PCDH9: variants seen among roughly 807,000 people sequenced by gnomAD.
PCDH9 encodes protocadherin 9.
A neutral mutation model predicts 70.6 loss-of-function variants in PCDH9; 24 were observed. That is an observed-to-expected ratio of 0.34 (90% confidence interval 0.25 to 0.48). The LOEUF is 0.48. Among genes scored for constraint, PCDH9 ranks in the 20% least tolerant of loss-of-function variants. The pLI, the probability that PCDH9 is intolerant of heterozygous loss-of-function variation, is 0.99. For missense variants in PCDH9, 1,281 were observed against 1,503.6 expected (o/e 0.85, Z 2.45); for synonymous variants, 562 against 558.5 (o/e 1.01, Z -0.09).
At position 67,031,803 on chromosome 13, in the gene PCDH9, A is replaced by G. The variant is rs190081092; in HGVS notation, c.3037-128198T>C. 3.5e-3 allele frequency among the ~76,000 whole-genome samples: 537 copies of G among 152,204 alleles called. 3 individuals are homozygous for G. Among genetic ancestry groups the G allele is most frequent in the African/African-American group, 0.012 (514 of 41,540 alleles). On this transcript the variant is annotated intron_variant, in intron 2 of 4. Coordinates refer to ENST00000377865, the MANE Select transcript of PCDH9 (RefSeq NM_203487.3). ...ACATTTGCCTTTCTAGCACACTTTT[A>G]TTGGAGCATTAGAAATGTTTATATT...
intron 4 of PCDH9, among the ~76,000 whole-genome samples, chr13:66,414,444 C>A (rs1252820126): frequency 6.6e-6 from 1 of 152,168 alleles, no homozygotes; most frequent in African/African-American, 2.4e-5. Context: ...AAAGAGTATG[C>A]TCTGCAACTG....
intron 2 of PCDH9, among the ~76,000 whole-genome samples, chr13:67,041,821 ACT>A (rs1258535960): frequency 4.9e-5 from 5 of 101,812 alleles, no homozygotes; most frequent in African/African-American, 1.5e-4. Flanking sequence ...ACAGAGTGAG[ACT>A]CTGTCTCAAA....
At chr13:67,137,912 T>A (rs2087274757) in intron 2 of PCDH9, among the ~76,000 whole-genome samples, 2 of 152,108 alleles carry the variant, frequency 1.3e-5, no homozygotes, top group South Asian at 2.1e-4. Context: ...ATGTAAAAAA[T>A]TTCTAAAAAT....
chr13:66,747,587 T>G (rs2139217995), intron 3 of PCDH9, among the ~76,000 whole-genome samples: 1 of 152,248 alleles, frequency 6.6e-6, no homozygotes, highest in African/African-American at 2.4e-5. Context: ...AATATACTTA[T>G]TAGGTGGTGC....
At chr13:66,405,711 A>G (rs1246680311) in intron 4 of PCDH9, among the ~76,000 whole-genome samples, 1 of 152,166 alleles carries the variant, frequency 6.6e-6, no homozygotes, top group African/African-American at 2.4e-5. Context: ...GTCCATATAT[A>G]GGAGGACAGA....
At chr13:66,695,684 G>T (rs1012200821) in intron 3 of PCDH9, among the ~76,000 whole-genome samples, 9 of 151,984 alleles carry the variant, frequency 5.9e-5, no homozygotes, top group Admixed American at 5.2e-4. Context: ...AAAAACTCAG[G>T]TCCTTATTTT....
intron 4 of PCDH9, among the ~76,000 whole-genome samples, chr13:66,572,899 A>G (rs1393583295): frequency 1.3e-5 from 2 of 151,984 alleles, no homozygotes; most frequent in African/African-American, 4.8e-5. Flanking sequence ...AGTTGGGACC[A>G]CAGACATGTG....
intron 4 of PCDH9, among the ~76,000 whole-genome samples, chr13:66,310,416 CA>C (rs1367180721): frequency 6.6e-6 from 1 of 151,996 alleles, no homozygotes; most frequent in Non-Finnish European, 1.5e-5. Context: ...AATGGAACTC[CA>C]ACTATACTTA....
chr13:67,074,130 C>T (rs1293419025), intron 2 of PCDH9, among the ~76,000 whole-genome samples: 1 of 151,960 alleles, frequency 6.6e-6, no homozygotes, highest in African/African-American at 2.4e-5. Flanking sequence ...ATCTGTCTAT[C>T]TATCTATCTT....
chr13:67,010,012 T>G (rs766624733), intron 2 of PCDH9, among the ~76,000 whole-genome samples: 1 of 152,026 alleles, frequency 6.6e-6, no homozygotes, highest in Non-Finnish European at 1.5e-5. Flanking sequence ...ACATATCTGC[T>G]AATTAACTGA....
At chr13:66,342,027 G>C (rs1273529385) in intron 4 of PCDH9, among the ~76,000 whole-genome samples, 1 of 152,086 alleles carries the variant, frequency 6.6e-6, no homozygotes, top group Non-Finnish European at 1.5e-5. Context: ...GGCTGGGTGG[G>C]GACTGAGCAT....
At chr13:66,363,592 T>A (rs576909114) in intron 4 of PCDH9, among the ~76,000 whole-genome samples, 14 of 152,288 alleles carry the variant, frequency 9.2e-5, no homozygotes, top group African/African-American at 3.4e-4. Flanking sequence ...CTATTACAAG[T>A]CCATCATTTT....
At chr13:67,175,424 C>G (rs2138461208) in intron 2 of PCDH9, among the ~76,000 whole-genome samples, 1 of 152,272 alleles carries the variant, frequency 6.6e-6, no homozygotes, top group South Asian at 2.1e-4. Context: ...TAACTACCTA[C>G]AGAAACACTA....
chr13:66,534,729 T>TAAGA (rs1473233927), intron 4 of PCDH9, among the ~76,000 whole-genome samples: 1 of 152,138 alleles, frequency 6.6e-6, no homozygotes, highest in African/African-American at 2.4e-5. Context: ...CACATTCTTA[T>TAAGA]AAGAACTATG....
intron 4 of PCDH9, among the ~76,000 whole-genome samples, chr13:66,389,353 G>C (rs1042769618): frequency 6.6e-6 from 1 of 152,070 alleles, no homozygotes; most frequent in Non-Finnish European, 1.5e-5. Context: ...GCTGCAGATG[G>C]GAACTGGTTC....
chr13:66,304,329 C>T lies in PCDH9; in HGVS notation c.*326G>A. On this transcript the variant is annotated 3_prime_UTR_variant, in exon 5 of 5. Transcript: ENST00000377865. The stretch of plus-strand genomic sequence containing the variant: ...GATATGTTTTTCAGTCACTCTAATC[C>T]ATGAAACTTTCTTACTTTCCAAATG... 5.8e-6 allele frequency: 1 copy of T among 171,910 alleles called. No homozygotes were observed. The highest frequency in any genetic ancestry group is 1.2e-5 in the Non-Finnish European group (1 of 83,026). The allele number at this position is 171,910 out of a possible 1,614,324, so 10.6% of individuals were successfully genotyped here.
intron 4 of PCDH9, among the ~76,000 whole-genome samples, chr13:66,409,238 T>C (rs1206876230): frequency 6.6e-6 from 1 of 152,208 alleles, no homozygotes; most frequent in Non-Finnish European, 1.5e-5. Flanking sequence ...TTAAAATTTA[T>C]GTCAATAGAA....
chr13:66,675,480 T>C (rs1042507447), intron 3 of PCDH9, among the ~76,000 whole-genome samples: 6 of 152,164 alleles, frequency 3.9e-5, no homozygotes, highest in South Asian at 2.1e-4. Context: ...GACGCTGCTA[T>C]GTCTCCTGCA....
chr13:67,010,807 A>C (rs1443919866), intron 2 of PCDH9, among the ~76,000 whole-genome samples: 2 of 152,018 alleles, frequency 1.3e-5, no homozygotes, highest in African/African-American at 4.8e-5. Context: ...ATTAGCCACC[A>C]TCGATGGGAG....
Sources: gnomAD v4.1 joint callset for allele counts (sites outside exome capture counted in the v4.1 genomes callset) on GRCh38, gnomAD v4.1.1 for gene constraint, MANE v1.5 for transcripts, NCBI Gene and HGNC (gene_info 2026-07-23, HGNC 2026-07-21) for gene names.